Variants in DDX56 observed in about 807,000 individuals in gnomAD.
DDX56 encodes the protein DEAD-box helicase 56, also known as probable ATP-dependent RNA helicase DDX56.
A neutral mutation model predicts 61.5 loss-of-function variants in DDX56; 45 were observed. The observed-to-expected ratio is 0.73, with a 90% confidence interval of 0.58 to 0.94. The LOEUF (loss-of-function observed/expected upper bound fraction) is 0.94, where lower values mean the gene tolerates loss of function less well. Ranked by LOEUF, DDX56 falls within the 40% of genes least tolerant of loss-of-function variation. The pLI, the probability that DDX56 is intolerant of heterozygous loss-of-function variation, is 0.00. For missense variants in DDX56, 708 were observed against 690.7 expected (o/e 1.02, Z -0.28); for synonymous variants, 273 against 268.3 (o/e 1.02, Z -0.17).
intron 2 of DDX56, among the ~76,000 whole-genome samples, chr7:44,573,381 C>T (rs1802730325): frequency 6.6e-6 from 1 of 152,232 alleles, no homozygotes; most frequent in Admixed American, 6.5e-5. Context: ...TCGAAGATTA[C>T]GCAAAGGTTG....
rs1257312114 is a variant in DDX56 at position 44,573,062 on chromosome 7, T to C, written c.223-12A>G. ...ACCACCGGACCTGTCTGTAAGAATA[T>C]GAATTAAAGACTTTAGCCAGCAGTG... On this transcript the variant is annotated splice_polypyrimidine_tract_variant and intron_variant, in intron 2 of 13. Coordinates refer to ENST00000258772, the MANE Select transcript of DDX56 (RefSeq NM_019082.4). The C allele has an allele frequency of 6.4e-7, 1 of 1,553,274 alleles. No homozygotes were observed. The highest frequency in any genetic ancestry group is 1.2e-5 in the South Asian group (1 of 81,646).
At chr7:44,567,034 C>T (rs926816162) in intron 12 of DDX56, among the ~76,000 whole-genome samples, 22 of 152,218 alleles carry the variant, frequency 1.4e-4, no homozygotes, top group Admixed American at 9.2e-4. Context: ...CAAATGACTC[C>T]GCTATACGAG....
At position 44,573,020 on chromosome 7, in the gene DDX56, C is replaced by G. The variant is rs750638362; in HGVS notation, c.253G>C (p.Gly85Arg). 1 of 1,600,984 alleles carries G rather than the reference C, an allele frequency of 6.2e-7. No homozygotes were observed. Among genetic ancestry groups the G allele is most frequent in the Non-Finnish European group, 8.5e-7 (1 of 1,174,702 alleles). Residue 85 changes from glycine (G) to arginine (R), a missense_variant, in exon 3 of 14, where the codon GGC (glycine) becomes CGC (arginine). Coordinates refer to ENST00000258772, the MANE Select transcript of DDX56 (RefSeq NM_019082.4). ...TGPVVEQAVR[G>R]LVLVPTKELA... is the part of the protein sequence containing the mutation. ...TCCTTGGTAGGAACAAGAACAAGGC[C>G]TCTCACTGCCTGTTCTACCACCGGA...
In DDX56 at chr7:44,566,036, C is replaced by G. The variant is rs1289165916; in HGVS notation, c.1610G>C (p.Gly537Ala). 1.9e-6 allele frequency: 3 copies of G among 1,612,914 alleles called. No individual in the cohort carries two copies. The African/African-American group carries it at 4.0e-5, about 22-fold the overall frequency. Residue 537 changes from glycine (G) to alanine (A), a missense_variant, in exon 14 of 14, where the codon GGA becomes GCA. By Grantham distance (60) the Gly-to-Ala change is moderately conservative. Coordinates refer to ENST00000258772, the MANE Select transcript of DDX56 (RefSeq NM_019082.4). Reference protein sequence around the residue: ...QNPLRSFKHKGKKFRPTAKPS With the variant: ...QNPLRSFKHKAKKFRPTAKPS ...CTTGGCTGTGGGTCTGAATTTCTTT[C>G]CTTTGTGCTTGAAGCTGCGCAGTGG...
At position 44,569,010 on chromosome 7, in the gene DDX56, AG is replaced by A. The variant is rs1252491615; in HGVS notation, c.1294-19del. On this transcript the variant is annotated intron_variant, in intron 10 of 13. Transcript: ENST00000258772. Reference sequence around the variant, plus strand: ...ATGGCATCCTGGGGGTGGACACTGAAGGTCAAGACAGTGAGGCTGCCCCAAA... The same window carrying A: ...ATGGCATCCTGGGGGTGGACACTGAAGTCAAGACAGTGAGGCTGCCCCAAA... The A allele has an allele frequency of 1.2e-6, 2 of 1,613,566 alleles. No homozygotes were observed. The highest frequency in any genetic ancestry group is 1.7e-6 in the Non-Finnish European group (2 of 1,179,742).
Position 44,572,304 on chromosome 7 carries a change from C to T in DDX56, c.645+43G>A, listed in dbSNP as rs759570679. 2.0e-6 allele frequency: 3 copies of T among 1,519,362 alleles called. No homozygotes were observed. The South Asian group carries it at 3.4e-5, about 17-fold the overall frequency. 94.1% of individuals were successfully genotyped at this position (1,519,362 alleles called of 1,614,324 possible). On this transcript the variant is annotated intron_variant, in intron 5 of 13. Transcript: ENST00000258772. ...GAAGGAGCATCAAGATCTTTGAGTG[C>T]CCCCATGTCTGCAGCTCCAGACACT...
Position 44,569,136 on chromosome 7 carries a change from GCGATAGCGGAAGCCCT to G in DDX56, c.1271_1286del (p.Glu424AlafsTer9). 3 of 1,613,838 alleles carry G rather than the reference GCGATAGCGGAAGCCCT, an allele frequency of 1.9e-6. No homozygotes were observed. Among genetic ancestry groups the G allele is most frequent in the Non-Finnish European group, 2.5e-6 (3 of 1,179,748 alleles). On this transcript the variant is annotated frameshift_variant, in exon 10 of 14. Coordinates refer to ENST00000258772, the MANE Select transcript of DDX56 (RefSeq NM_019082.4). LOFTEE classifies it high-confidence loss of function. ...CCCCACCACAGCAGCTCACCCTGCA[GCGATAGCGGAAGCCCT>G]CGATCTCCTCCATCCGGAACTGGTA...
At chr7:44,567,807 G>A (rs1449055532) in intron 12 of DDX56, 11 of 430,060 alleles carry the variant, frequency 2.6e-5, no homozygotes, top group Non-Finnish European at 3.9e-5. Context: ...CACTCCCTTC[G>A]ACCCATGGAT....
At chr7:44,572,512 C>A in intron 4 of DDX56, 62 bp downstream of exon 4, 1 of 1,613,492 alleles carries the variant, frequency 6.2e-7, no homozygotes, top group Non-Finnish European at 8.5e-7. Context: ...AGCCACCCCG[C>A]TCTCGTCCCA....
chr7:44,567,995 G>C, intron 12 of DDX56, 123 bp downstream of exon 12: 1 of 774,870 alleles, frequency 1.3e-6, no homozygotes, highest in Non-Finnish European at 2.2e-6. Flanking sequence ...CGTGCTGCCA[G>C]GGTCTCCAGG....
chr7:44,569,950 G>A (rs765430253), intron 8 of DDX56, 47 bp from the exon 9 acceptor site: 5 of 1,612,392 alleles, frequency 3.1e-6, no homozygotes, highest in Non-Finnish European at 4.2e-6. Context: ...CGCAGGCTCT[G>A]TCCAGCACAC....
chr7:44,565,900 T>C lies in DDX56; in HGVS notation c.*102A>G. ...GGCCCAGCACTGCCGGCCCCAGAAC[T>C]GTCTGTTCAGGCTGTGCAGTAAGCA... On this transcript the variant is annotated 3_prime_UTR_variant, in exon 14 of 14. Transcript: ENST00000258772. 1 of 917,350 alleles carries C rather than the reference T, an allele frequency of 1.1e-6. No individual in the cohort carries two copies. The highest frequency in any genetic ancestry group is 1.8e-6 in the Non-Finnish European group (1 of 565,698). The allele number at this position is 917,350 out of a possible 1,614,324, so 56.8% of individuals were successfully genotyped here.
In DDX56 at chr7:44,571,495, G is replaced by A; in HGVS notation, c.887C>T (p.Ser296Phe). 2 of 1,613,730 alleles carry A rather than the reference G, an allele frequency of 1.2e-6. No individual in the cohort carries two copies. Among genetic ancestry groups the A allele is most frequent in the East Asian group, 4.5e-5 (2 of 44,888 alleles). ...CVLNGELPLRSRCHIISQFNQ... is the reference protein window; with the variant it reads ...CVLNGELPLRFRCHIISQFNQ... Reference sequence around the variant, plus strand: ...CAAGATGTTGGCTGTGGCAGACCTGGAGCGCAGTGGAAGCTCTCCATTGAG... The same window carrying A: ...CAAGATGTTGGCTGTGGCAGACCTGAAGCGCAGTGGAAGCTCTCCATTGAG... The change falls in exon 6 of 14, where the codon TCC becomes TTC. Residue 296 changes from serine (S) to phenylalanine (F), a missense_variant. Ser to Phe is a radical substitution (Grantham distance 155, BLOSUM62 -2). Transcript: ENST00000258772.
In DDX56 at chr7:44,567,843, G is replaced by A. The variant is rs572805808; in HGVS notation, c.1489+275C>T. 168 of 500,326 alleles carry A rather than the reference G, an allele frequency of 3.4e-4. 1 individual carries two copies. The highest frequency in any genetic ancestry group is 3.8e-4 in the Non-Finnish European group (103 of 274,002). The allele number at this position is 500,326 out of a possible 1,614,324, so 31.0% of individuals were successfully genotyped here. A position where few individuals can be genotyped will look rare whatever the true frequency, so the allele number is the denominator to read the frequency against. ...GGCCATTTGGCCCAGCTCTGGAGAC[G>A]ACCTGGCCTGAAATGCTGGGTCTGC... is the stretch of plus-strand genomic sequence containing the variant. On this transcript the variant is annotated intron_variant, in intron 12 of 13. Transcript: ENST00000258772.
intron 12 of DDX56, chr7:44,567,666 G>A: frequency 4.0e-6 from 1 of 250,930 alleles, no homozygotes. Flanking sequence ...GCCTTACAGA[G>A]TCTGTCTCCC....
rs1371864902 is a variant in DDX56, at chr7:44,571,611, A to C, written c.771T>G (p.Ile257Met). ...LLYALLKLSL[I>M]RGKSLLFVNT... ...TGACAAAGAGCAGAGACTTGCCCCGAATCAATGACAGCTTGAGCAGGGCAT... is the reference window on the plus strand; with the variant it reads ...TGACAAAGAGCAGAGACTTGCCCCGCATCAATGACAGCTTGAGCAGGGCAT... The change falls in exon 6 of 14, where the codon ATT becomes ATG. Residue 257 changes from isoleucine (I) to methionine (M), a missense_variant. Physicochemically the swap from Ile to Met is conservative, Grantham distance 10. Coordinates refer to ENST00000258772, the MANE Select transcript of DDX56 (RefSeq NM_019082.4). 3.7e-6 allele frequency: 6 copies of C among 1,614,172 alleles called. No individual in the cohort carries two copies. The highest frequency in any genetic ancestry group is 5.1e-6 in the Non-Finnish European group (6 of 1,180,036).
At position 44,570,025 on chromosome 7, in the gene DDX56, G is replaced by A. The variant is rs771935254; in HGVS notation, c.1114C>T (p.Arg372Ter). 6 of 1,614,076 alleles carry A rather than the reference G, an allele frequency of 3.7e-6. No homozygotes were observed. Among genetic ancestry groups the A allele is most frequent in the African/African-American group, 2.7e-5 (2 of 74,928 alleles). The change falls in exon 8 of 14, where the codon CGA becomes TGA. Residue 372 changes from arginine (R) to a stop codon, truncating the protein, a stop_gained. Transcript: ENST00000258772. LOFTEE classifies it high-confidence loss of function. ...LPPTPEAYIH[R>*]AGRTARANNP... ...CCGTCACACTACTACCTGCCAGCTC[G>A]ATGGATGTAGGCCTCAGGGGTTGGG...
intron 9 of DDX56, 178 bp downstream of exon 9, chr7:44,569,631 C>A (rs1255394378): frequency 1.6e-6 from 1 of 640,150 alleles, no homozygotes; most frequent in East Asian, 2.7e-5. Flanking sequence ...GGACAAATTA[C>A]CTCAATTTGT....
intron 12 of DDX56, 61 bp downstream of exon 12, chr7:44,568,057 G>C: frequency 7.5e-7 from 1 of 1,331,024 alleles, no homozygotes; most frequent in Non-Finnish European, 1.1e-6. Flanking sequence ...TGACCCAGCA[G>C]TGGAGAAATT....
Sources: allele counts gnomAD v4.1 joint callset (sites outside exome capture counted in the v4.1 genomes callset), GRCh38; gene constraint gnomAD v4.1.1; transcripts MANE v1.5; gene names NCBI Gene and HGNC (gene_info 2026-07-23, HGNC 2026-07-21).